The following NOX5 variants were observed in gnomAD, a reference collection of about 807,000 sequenced individuals.
The protein encoded by NOX5 is NADPH oxidase, EF-hand calcium binding domain 5.
NOX5 carries 76 observed loss-of-function variants against 85.7 expected under a neutral mutation model. That is an observed-to-expected ratio of 0.89 (90% CI 0.74 to 1.07). NOX5 has a LOEUF of 1.07. NOX5 is among the 50% of genes least tolerant of loss of function. The pLI, the probability that NOX5 is intolerant of heterozygous loss-of-function variation, is 0.00. For missense variants in NOX5, 973 were observed against 999.5 expected, an observed-to-expected ratio of 0.97 and a Z score of 0.36; for synonymous variants, 405 against 401.4, an observed-to-expected ratio of 1.01 and a Z score of -0.11.
At chr15:69,055,217 G>A (rs2140284259) in intron 14 of NOX5, 117 bp from the exon 15 acceptor site, 1 of 1,128,860 alleles carries the variant, frequency 8.9e-7, no homozygotes, top group Non-Finnish European at 1.3e-6. Flanking sequence ...ACAGATCCTG[G>A]GCAAAAGACC....
In NOX5 at chr15:69,054,912, A is replaced by C. The variant is rs1359129785; in HGVS notation, c.2000-422A>C. Among the ~76,000 whole-genome samples the C allele has an allele frequency of 4.6e-5, 7 of 152,080 alleles. No homozygotes were observed. In the East Asian group the frequency reaches 1.3e-3, roughly 29 times the overall value. ...TGCCATGCTCACTTCCCTGGGATGCATTTCTTCTTCTATAAATACAAAAAG... is the reference window on the plus strand; with the variant it reads ...TGCCATGCTCACTTCCCTGGGATGCCTTTCTTCTTCTATAAATACAAAAAG... On this transcript the variant is annotated intron_variant, in intron 14 of 15. Transcript: ENST00000388866.
At chr15:69,032,879 T>A (rs1245283591) in intron 4 of NOX5, among the ~76,000 whole-genome samples, 164 bp from the exon 5 acceptor site, 1 of 152,190 alleles carries the variant, frequency 6.6e-6, no homozygotes, top group Non-Finnish European at 1.5e-5. Flanking sequence ...CGCGGAGCTG[T>A]GCGACTGTGA....
chr15:69,018,971 TC>T (rs1487882324), intron 1 of NOX5, among the ~76,000 whole-genome samples: 1 of 152,208 alleles, frequency 6.6e-6, no homozygotes, highest in Non-Finnish European at 1.5e-5. Context: ...CAAGCCATCC[TC>T]CCACCTCAGC....
At chr15:69,027,180 C>T (rs1405862780) in intron 2 of NOX5, among the ~76,000 whole-genome samples, 2 of 152,060 alleles carry the variant, frequency 1.3e-5, no homozygotes, top group East Asian at 1.9e-4. Flanking sequence ...AGGGACTAGC[C>T]GATGAGCATC....
chr15:69,018,988 G>GA (rs2050265691), intron 1 of NOX5, among the ~76,000 whole-genome samples: 1 of 152,130 alleles, frequency 6.6e-6, no homozygotes, highest in African/African-American at 2.4e-5. Flanking sequence ...TCAGCTGCTA[G>GA]AGTAGCTGGG....
chr15:69,035,955 T>C lies in NOX5; in HGVS notation c.1188+19T>C. On this transcript the variant is annotated intron_variant, in intron 7 of 15. Coordinates refer to ENST00000388866, the MANE Select transcript of NOX5 (RefSeq NM_024505.4). Reference sequence around the variant, plus strand: ...CTTTGAGGTGCCCCAGTTGCTGCCCTTTTGCTTCCCCCAAGGCCAGGGTCC... The same window carrying C: ...CTTTGAGGTGCCCCAGTTGCTGCCCCTTTGCTTCCCCCAAGGCCAGGGTCC... 2.5e-6 allele frequency: 4 copies of C among 1,613,198 alleles called. No individual in the cohort carries two copies. The highest frequency in any genetic ancestry group is 3.4e-6 in the Non-Finnish European group (4 of 1,179,358).
chr15:69,061,640 A>T lies in NOX5; in HGVS notation c.*4944A>T, dbSNP rs1381211092. 1 of 152,230 alleles carries T rather than the reference A, an allele frequency of 6.6e-6. No individual in the cohort carries two copies. The highest frequency in any genetic ancestry group is 1.5e-5 in the Non-Finnish European group (1 of 68,046). 9.4% of individuals were successfully genotyped at this position (152,230 alleles called of 1,614,324 possible). On this transcript the variant is annotated 3_prime_UTR_variant, in exon 16 of 16. Coordinates refer to ENST00000388866, the MANE Select transcript of NOX5 (RefSeq NM_024505.4). ...GAGGAAATTCATCCCAGGGGGAAAA[A>T]TACTCAACCTGAATGGCAGAAATGG...
chr15:69,055,335 C>T lies in NOX5; in HGVS notation c.2001C>T (p.Gly667=), dbSNP rs145743798. 4,336 of 1,613,700 alleles carry T rather than the reference C, an allele frequency of 2.7e-3. 12 individuals are homozygous for T. Among genetic ancestry groups the T allele is most frequent in the Middle Eastern group, 3.8e-3 (23 of 6,060 alleles). Residue 667 remains glycine (G), a splice_region_variant and synonymous_variant, in exon 15 of 16, where the codon GGC becomes GGT. Coordinates refer to ENST00000388866, the MANE Select transcript of NOX5 (RefSeq NM_024505.4). ...EMDQAEEAQY[G]RFLELHMYMT... ...CAGCCCTTGTCCCCTGCCCAACAGG[C>T]CGCTTCCTGGAGCTGCATATGTACA... is the stretch of plus-strand genomic sequence containing the variant.
intron 12 of NOX5, 41 bp downstream of exon 12, chr15:69,047,578 G>C (rs1172995760): frequency 6.3e-7 from 1 of 1,589,602 alleles, no homozygotes; most frequent in South Asian, 1.1e-5. Context: ...CTGGGTCAGA[G>C]CCCCAAGGCG....
In NOX5 at chr15:69,047,923, C is replaced by T; in HGVS notation, c.1899+12C>T. ...TGAAGCTCCATAAGGTGAGTACCACCTCCTGCAGGCAGGCCTCCAGACCTT... is the reference window on the plus strand; with the variant it reads ...TGAAGCTCCATAAGGTGAGTACCACTTCCTGCAGGCAGGCCTCCAGACCTT... On this transcript the variant is annotated intron_variant, in intron 13 of 15. Transcript: ENST00000388866. 1.2e-6 allele frequency: 2 copies of T among 1,613,368 alleles called. No individual in the cohort carries two copies. Among genetic ancestry groups the T allele is most frequent in the Non-Finnish European group, 1.7e-6 (2 of 1,179,298 alleles).
At chr15:69,025,779 A>G (rs963011985) in intron 1 of NOX5, among the ~76,000 whole-genome samples, 1 of 152,132 alleles carries the variant, frequency 6.6e-6, no homozygotes, top group Non-Finnish European at 1.5e-5. Context: ...CCTGGGTCCT[A>G]ATGCTAGGGA....
chr15:69,033,162 G>T lies in NOX5; in HGVS notation c.740G>T (p.Gly247Val), dbSNP rs1379801296. ...CTGTTCTGCCTGGCCACCTATGCAG[G>T]CCTCCACGTGCTGCTCTTCGGGCTG... ...SQLFCLATYA[G>V]LHVLLFGLAA... Residue 247 changes from glycine (G) to valine (V), a missense_variant, in exon 5 of 16, where the codon GGC becomes GTC. By Grantham distance (109) the Gly-to-Val change is moderately radical. Coordinates refer to ENST00000388866, the MANE Select transcript of NOX5 (RefSeq NM_024505.4). 1 of 1,582,512 alleles carries T rather than the reference G, an allele frequency of 6.3e-7. No homozygotes were observed. Among genetic ancestry groups the T allele is most frequent in the Non-Finnish European group, 8.5e-7 (1 of 1,171,296 alleles).
At chr15:69,032,585 AT>A (rs1409421333) in intron 4 of NOX5, among the ~76,000 whole-genome samples, 1 of 151,696 alleles carries the variant, frequency 6.6e-6, no homozygotes, top group Non-Finnish European at 1.5e-5. Context: ...TAGTTTTTGT[AT>A]TTTTAGTAGA....
At position 69,023,465 on chromosome 15, in the gene NOX5, G is replaced by C. The variant is rs143742176; in HGVS notation, c.51-3063G>C. ...TGCCATTTACTTTGGGCTAAAAAATGATTCTACTGAAATCCCGAATAGAGC... is the reference window on the plus strand; with the variant it reads ...TGCCATTTACTTTGGGCTAAAAAATCATTCTACTGAAATCCCGAATAGAGC... On this transcript the variant is annotated intron_variant, in intron 1 of 15. Coordinates refer to ENST00000388866, the MANE Select transcript of NOX5 (RefSeq NM_024505.4). 4.0e-4 allele frequency: 172 copies of C among 429,194 alleles called. 1 individual carries two copies. Among genetic ancestry groups the C allele is most frequent in the African/African-American group, 3.4e-3 (163 of 47,894 alleles). The allele number at this position is 429,194 out of a possible 1,614,324, so 26.6% of individuals were successfully genotyped here. A position where few individuals can be genotyped will look rare whatever the true frequency, so the allele number is the denominator to read the frequency against.
At chr15:69,039,165 G>A (rs1460924456) in intron 9 of NOX5, among the ~76,000 whole-genome samples, 176 bp downstream of exon 9, 1 of 152,192 alleles carries the variant, frequency 6.6e-6, no homozygotes, top group Non-Finnish European at 1.5e-5. Context: ...GCATGGCAAG[G>A]GCTGTACCAG....
In NOX5 at chr15:69,033,064, C is replaced by G; in HGVS notation, c.642C>G (p.Ala214=). The part of the protein sequence containing the change: ...LTISAAHWLT[A]PAPRPRPRRP... ...GCAGCGCTGCCCACTGGCTGACGGC[C>G]CCCGCCCCCCGCCCACGCCCGCGCC... Residue 214 remains alanine, a synonymous_variant, in exon 5 of 16, where the codon GCC becomes GCG. Coordinates refer to ENST00000388866, the MANE Select transcript of NOX5 (RefSeq NM_024505.4). The G allele has an allele frequency of 6.5e-7, 1 of 1,550,066 alleles. No individual in the cohort carries two copies. The highest frequency in any genetic ancestry group is 8.6e-7 in the Non-Finnish European group (1 of 1,160,818).
Position 69,031,532 on chromosome 15 carries a change from G to A in NOX5, c.340G>A (p.Gly114Arg), listed in dbSNP as rs368305444. Residue 114 changes from glycine to arginine, a missense_variant, in exon 4 of 16, where the codon GGG becomes AGG. Transcript: ENST00000388866. ...VYDIDVCARQGASAGTEWGAG... is the reference protein window; with the variant it reads ...VYDIDVCARQRASAGTEWGAG... ...ACTTCTTGCAGTGTGTGCACGGCAGGGGGCGTCTGCAGGTACAGAGTGGGG... is the reference window on the plus strand; with the variant it reads ...ACTTCTTGCAGTGTGTGCACGGCAGAGGGCGTCTGCAGGTACAGAGTGGGG... 1.5e-5 allele frequency: 24 copies of A among 1,608,566 alleles called. No homozygotes were observed. In the Admixed American group the frequency reaches 2.5e-4, roughly 17 times the overall value.
Position 69,026,635 on chromosome 15 carries a change from C to T in NOX5, c.158C>T (p.Ala53Val). 6.2e-7 allele frequency: 1 copy of T among 1,614,166 alleles called. No homozygotes were observed. Among genetic ancestry groups the T allele is most frequent in the African/African-American group, 1.3e-5 (1 of 75,056 alleles). ...ATCAGCCTGCAAGAATTCAAAGCAG[C>T]TCTGCATGTGAAAGAGGCAAGTGTT... The part of the protein sequence containing the change: ...GEISLQEFKA[A>V]LHVKESFFAE... The change falls in exon 2 of 16, where the codon GCT (alanine) becomes GTT (valine). Residue 53 changes from alanine (A) to valine (V), a missense_variant. Physicochemically the swap from Ala to Val is moderately conservative, Grantham distance 64. Coordinates refer to ENST00000388866, the MANE Select transcript of NOX5 (RefSeq NM_024505.4).
intron 4 of NOX5, 100 bp downstream of exon 4, chr15:69,031,912 C>G (rs545135854): frequency 4.1e-5 from 50 of 1,222,178 alleles, no homozygotes; most frequent in Admixed American, 2.5e-4. Flanking sequence ...TGCCCTACCC[C>G]GCCCTGCCCC....
Sources: gnomAD v4.1 joint callset for allele counts (sites outside exome capture counted in the v4.1 genomes callset) on GRCh38, gnomAD v4.1.1 for gene constraint, MANE v1.5 for transcripts, NCBI Gene and HGNC (gene_info 2026-07-23, HGNC 2026-07-21) for gene names.